Variants in RHOT1 observed in about 807,000 individuals in gnomAD.
RHOT1 encodes mitochondrial Rho GTPase 1.
Under a neutral mutation model 95.3 loss-of-function variants are expected in RHOT1, and 27 were observed. The ratio of observed to expected loss-of-function variants is 0.28; its 90% confidence interval spans 0.21 to 0.39. The LOEUF (loss-of-function observed/expected upper bound fraction) is 0.39. RHOT1 is among the 10% of genes least tolerant of loss of function. The pLI is 1.00. For synonymous variants in RHOT1, 227 were observed against 263.5 expected, an observed-to-expected ratio of 0.86 and a Z score of 1.34; for missense variants, 578 against 786.7, an observed-to-expected ratio of 0.73 and a Z score of 3.17.
chr17:32,219,454 T>G (rs2038691422), intron 19 of RHOT1, among the ~76,000 whole-genome samples: 2 of 152,192 alleles, frequency 1.3e-5, no homozygotes, highest in Non-Finnish European at 2.9e-5. Context: ...TCACCTTAAG[T>G]TGCAGAATTA....
chr17:32,168,539 G>T (rs904516116), intron 1 of RHOT1, among the ~76,000 whole-genome samples: 1 of 151,532 alleles, frequency 6.6e-6, no homozygotes, highest in Non-Finnish European at 1.5e-5. Context: ...CTCACAAAGT[G>T]CTGGAATTAC....
intron 1 of RHOT1, among the ~76,000 whole-genome samples, chr17:32,144,635 G>A (rs1473592886): frequency 6.6e-6 from 1 of 151,780 alleles, no homozygotes; most frequent in Non-Finnish European, 1.5e-5. Flanking sequence ...ATCACTTGAG[G>A]CCAAGGAGTT....
chr17:32,193,628 A>G (rs2036658039), intron 10 of RHOT1, among the ~76,000 whole-genome samples: 1 of 152,190 alleles, frequency 6.6e-6, no homozygotes, highest in Non-Finnish European at 1.5e-5. Context: ...CCTGGAGAAT[A>G]TATTATAGAG....
intron 6 of RHOT1, among the ~76,000 whole-genome samples, chr17:32,176,570 A>G (rs531106684): frequency 6.7e-6 from 1 of 148,552 alleles, no homozygotes; most frequent in South Asian, 2.1e-4. Flanking sequence ...TTATTTATTT[A>G]TTTATTTATT....
chr17:32,143,035 C>T (rs1051018116), intron 1 of RHOT1: 3 of 693,808 alleles, frequency 4.3e-6, no homozygotes, highest in Non-Finnish European at 8.1e-6. Flanking sequence ...CTCATCCCTC[C>T]GAAGCTTCTC....
chr17:32,163,413 TC>T (rs1204815999), intron 1 of RHOT1, among the ~76,000 whole-genome samples: 2 of 151,902 alleles, frequency 1.3e-5, no homozygotes, highest in Admixed American at 6.5e-5. Context: ...TTAAAATTTT[TC>T]TTTTTATCCA....
chr17:32,154,302 C>T (rs1295574549), intron 1 of RHOT1, among the ~76,000 whole-genome samples: 1 of 142,966 alleles, frequency 7.0e-6, no homozygotes, highest in Admixed American at 6.7e-5. Flanking sequence ...AAAAAAAGGC[C>T]AGGCGCAGTG....
chr17:32,210,201 C>T (rs940003221), intron 18 of RHOT1, among the ~76,000 whole-genome samples: 2 of 152,110 alleles, frequency 1.3e-5, no homozygotes, highest in African/African-American at 4.8e-5. Context: ...AGGTGGCGCT[C>T]TTCTGAGTGG....
intron 6 of RHOT1, among the ~76,000 whole-genome samples, chr17:32,180,382 G>T (rs1426238116): frequency 2.0e-5 from 3 of 152,104 alleles, no homozygotes; most frequent in Non-Finnish European, 4.4e-5. Context: ...TCTGAAACAT[G>T]TGCTGTGTCA....
chr17:32,199,148 C>A, intron 12 of RHOT1, 117 bp downstream of exon 12: 1 of 852,278 alleles, frequency 1.2e-6, no homozygotes. Context: ...ACTGCTTAAC[C>A]TCTCTAAGTT....
In RHOT1 at chr17:32,144,061, T is replaced by A. The variant is rs531736080; in HGVS notation, c.37+1332T>A. ...TTTATAACTATATCTTAATCTGTAT[T>A]TTTCATGGACTTCCTTGACAAGGTT... On this transcript the variant is annotated intron_variant, in intron 1 of 19. Transcript: ENST00000545287. Among the ~76,000 whole-genome samples, 6 of 152,320 alleles carry A rather than the reference T, an allele frequency of 3.9e-5. 1 individual carries two copies. The highest frequency in any genetic ancestry group is 1.4e-4 in the African/African-American group (6 of 41,568).
At chr17:32,214,707 T>G (rs2038346029) in intron 19 of RHOT1, among the ~76,000 whole-genome samples, 1 of 152,016 alleles carries the variant, frequency 6.6e-6, no homozygotes, top group African/African-American at 2.4e-5. Flanking sequence ...GTTAGACATA[T>G]CCTAATGTTA....
At chr17:32,221,338 A>T (rs1485016893) in intron 19 of RHOT1, among the ~76,000 whole-genome samples, 1 of 150,674 alleles carries the variant, frequency 6.6e-6, no homozygotes, top group East Asian at 1.9e-4. Flanking sequence ...ACTGCACTCC[A>T]GCCTAGTGAC....
chr17:32,191,031 G>T (rs2036452477), intron 8 of RHOT1, among the ~76,000 whole-genome samples: 1 of 152,174 alleles, frequency 6.6e-6, no homozygotes, highest in Non-Finnish European at 1.5e-5. Context: ...TTGATCTCAG[G>T]TGATCTGCAC....
intron 1 of RHOT1, among the ~76,000 whole-genome samples, chr17:32,153,540 G>A (rs992645681): frequency 4.6e-5 from 7 of 152,198 alleles, no homozygotes; most frequent in Non-Finnish European, 8.8e-5. Context: ...TGCACCTGTA[G>A]TCTCAGCTAC....
In RHOT1 at chr17:32,224,830, C is replaced by T; in HGVS notation, c.*97C>T. 1 of 688,018 alleles carries T rather than the reference C, an allele frequency of 1.5e-6. No homozygotes were observed. The highest frequency in any genetic ancestry group is 2.5e-6 in the Non-Finnish European group (1 of 403,744). 42.6% of individuals were successfully genotyped at this position (688,018 alleles called of 1,614,324 possible). A position where few individuals can be genotyped will look rare whatever the true frequency, so the allele number is the denominator to read the frequency against. Reference sequence around the variant, plus strand: ...AGAATTATTGAGATATTTATACATGCAGAGTTACTTTATTAATATTTGTAA... The same window carrying T: ...AGAATTATTGAGATATTTATACATGTAGAGTTACTTTATTAATATTTGTAA... On this transcript the variant is annotated 3_prime_UTR_variant, in exon 20 of 20. Coordinates refer to ENST00000545287, the MANE Select transcript of RHOT1 (RefSeq NM_001033566.3).
intron 1 of RHOT1, among the ~76,000 whole-genome samples, chr17:32,145,709 A>G (rs976241684): frequency 2.6e-5 from 4 of 152,148 alleles, no homozygotes; most frequent in South Asian, 2.1e-4. Context: ...AGATTCTGCT[A>G]TGCACCTTAA....
rs554917324 is a variant in RHOT1, at chr17:32,205,305, T to G, written c.1416+1332T>G. ...TGTTCCTGTGTTAGTTTGCTGAGAA[T>G]GACGGCTTCCAGTTTCATCCATGTC... On this transcript the variant is annotated intron_variant, in intron 16 of 19. Transcript: ENST00000545287. Among the ~76,000 whole-genome samples, 16 of 152,300 alleles carry G rather than the reference T, an allele frequency of 1.1e-4. No individual in the cohort carries two copies. In the South Asian group the frequency reaches 3.3e-3, roughly 32 times the overall value.
At chr17:32,200,113 T>C (rs1314614459) in intron 13 of RHOT1, among the ~76,000 whole-genome samples, 1 of 152,050 alleles carries the variant, frequency 6.6e-6, no homozygotes, top group Non-Finnish European at 1.5e-5. Context: ...TATCAATAAG[T>C]ATACTTTTAT....
Sources: gnomAD v4.1 joint callset for allele counts (sites outside exome capture counted in the v4.1 genomes callset) on GRCh38, gnomAD v4.1.1 for gene constraint, MANE v1.5 for transcripts, NCBI Gene and HGNC (gene_info 2026-07-23, HGNC 2026-07-21) for gene names.